The following KAZN variants were observed in gnomAD, a reference collection of about 807,000 sequenced individuals.
The protein encoded by KAZN is kazrin.
In KAZN, 40 loss-of-function variants were observed where a neutral mutation model predicts 87.4. The ratio of observed to expected loss-of-function variants is 0.46; its 90% CI spans 0.36 to 0.60. The LOEUF is 0.60. KAZN is among the 20% of genes least tolerant of loss of function. The pLI, the probability that KAZN is intolerant of heterozygous loss-of-function variation, is 0.00. For missense variants in KAZN, 898 were observed against 1,073.9 expected (o/e 0.84, Z 2.29); for synonymous variants, 466 against 458.3 (o/e 1.02, Z -0.22).
chr1:14,924,606 C>G, intron 1 of KAZN: 1 of 1,000,744 alleles, frequency 1.0e-6, no homozygotes, highest in Non-Finnish European at 1.2e-6. Flanking sequence ...GGGCGGGCGG[C>G]GCGGACACAG....
chr1:14,549,685 C>G (rs1673386868), intron 2 of KAZN, among the ~76,000 whole-genome samples: 1 of 150,666 alleles, frequency 6.6e-6, no homozygotes, highest in Non-Finnish European at 1.5e-5. Flanking sequence ...ACCCCCACCC[C>G]CACCTCCGCC....
At chr1:14,657,091 T>C (rs1638842750) in intron 1 of KAZN, among the ~76,000 whole-genome samples, 1 of 143,980 alleles carries the variant, frequency 6.9e-6, no homozygotes, top group Admixed American at 6.9e-5. Context: ...TTTTTTTTTT[T>C]TTTTTTTTGA....
chr1:15,033,123 A>G (rs1484189967), intron 2 of KAZN, among the ~76,000 whole-genome samples: 1 of 152,148 alleles, frequency 6.6e-6, no homozygotes, highest in Non-Finnish European at 1.5e-5. Flanking sequence ...GATAAAGTGT[A>G]TGAGGGGATT....
chr1:14,574,211 T>C (rs1002678033), intron 2 of KAZN, among the ~76,000 whole-genome samples: 1 of 152,188 alleles, frequency 6.6e-6, no homozygotes, highest in African/African-American at 2.4e-5. Flanking sequence ...CATGTATAGC[T>C]TGGGGAAGTT....
At chr1:14,934,101 C>T (rs1002534639) in intron 1 of KAZN, among the ~76,000 whole-genome samples, 1 of 150,326 alleles carries the variant, frequency 6.7e-6, no homozygotes, top group Non-Finnish European at 1.5e-5. Context: ...GTGATCCGCC[C>T]GCCTCGGCCT....
rs962940941 is a variant in KAZN at position 14,072,290 on chromosome 1, T to C, written c.92-108145T>C. The stretch of plus-strand genomic sequence containing the variant: ...TAGTGTTTTTAGTTTTGTGTTGTGT[T>C]TTTGCTTCTCCAATTTGCTAGGGCT... On this transcript the variant is annotated intron_variant, in intron 1 of 16. Transcript: ENST00000636203. 6.2e-4 allele frequency among the ~76,000 whole-genome samples: 95 copies of C among 152,312 alleles called. 1 individual carries two copies. The highest frequency in any genetic ancestry group is 1.5e-3 in the East Asian group (8 of 5,192).
intron 2 of KAZN, among the ~76,000 whole-genome samples, chr1:14,967,217 A>G (rs1664558257): frequency 6.6e-6 from 1 of 151,968 alleles, no homozygotes; most frequent in Admixed American, 6.6e-5. Flanking sequence ...CTCCCTTTGC[A>G]GCCTGGTCAC....
chr1:14,046,959 G>A (rs990904611), intron 1 of KAZN, among the ~76,000 whole-genome samples: 1 of 152,210 alleles, frequency 6.6e-6, no homozygotes. Flanking sequence ...CTGGTTGGGG[G>A]TTAGGGTGCC....
At chr1:15,050,153 T>C (rs926745699) in intron 4 of KAZN, among the ~76,000 whole-genome samples, 2 of 111,812 alleles carry the variant, frequency 1.8e-5, no homozygotes, top group Non-Finnish European at 1.7e-5. Flanking sequence ...AATAATAGAA[T>C]AGAATGGAAT....
chr1:14,595,291 A>G (rs184221262), upstream of KAZN, among the ~76,000 whole-genome samples: 43 of 152,278 alleles, frequency 2.8e-4, no homozygotes, highest in Admixed American at 2.6e-3. Flanking sequence ...ATTGTGGAAA[A>G]CATATTAGCT....
chr1:15,012,250 C>T (rs1372444846), intron 2 of KAZN, among the ~76,000 whole-genome samples: 1 of 152,156 alleles, frequency 6.6e-6, no homozygotes, highest in East Asian at 1.9e-4. Flanking sequence ...GAAAGCTATT[C>T]TTACCACCTG....
At chr1:14,889,110 G>A (rs559883571) in intron 1 of KAZN, among the ~76,000 whole-genome samples, 1 of 152,314 alleles carries the variant, frequency 6.6e-6, no homozygotes, top group East Asian at 1.9e-4. Context: ...GCAGCCTGCG[G>A]GCCATGGGTT....
rs36066363 is a variant in KAZN, at chr1:14,975,940, G to A, written c.418+15065G>A. Among the ~76,000 whole-genome samples, 787 of 151,308 alleles carry A rather than the reference G, an allele frequency of 5.2e-3. 10 individuals carry two copies. Among genetic ancestry groups the A allele is most frequent in the African/African-American group, 0.018 (746 of 41,306 alleles). ...CCAGCTACTTGGGAGGCTGAGGCAG[G>A]AGAAAGGCGCGAACCCGGGAGGCGG... On this transcript the variant is annotated intron_variant, in intron 2 of 14. Coordinates refer to ENST00000376030, the MANE Select transcript of KAZN (RefSeq NM_201628.3).
At chr1:14,660,271 A>C in intron 1 of KAZN, among the ~76,000 whole-genome samples, 1 of 152,178 alleles carries the variant, frequency 6.6e-6, no homozygotes, top group South Asian at 2.1e-4. Context: ...CTGAAACAAT[A>C]AGACGAATAA....
At chr1:14,268,777 A>G (rs907602188) in intron 2 of KAZN, among the ~76,000 whole-genome samples, 4 of 152,256 alleles carry the variant, frequency 2.6e-5, no homozygotes, top group African/African-American at 9.6e-5. Context: ...GCCAGGTTGC[A>G]GGCATTAATT....
intron 2 of KAZN, among the ~76,000 whole-genome samples, chr1:14,511,117 G>A (rs940201327): frequency 2.0e-4 from 30 of 149,490 alleles, no homozygotes; most frequent in African/African-American, 6.2e-4. Context: ...GGGGGTGGGA[G>A]GGTGGTCCCA....
At chr1:13,958,964 C>T (rs183713874) in intron 1 of KAZN, among the ~76,000 whole-genome samples, 4 of 152,166 alleles carry the variant, frequency 2.6e-5, no homozygotes, top group Admixed American at 2.6e-4. Flanking sequence ...AACATCCATC[C>T]CACCCATCCT....
chr1:14,945,334 C>T (rs1487069236), intron 1 of KAZN, among the ~76,000 whole-genome samples: 2 of 152,332 alleles, frequency 1.3e-5, no homozygotes, highest in African/African-American at 2.4e-5. Flanking sequence ...GAAACCGGGG[C>T]GCCCTGGAGT....
intron 1 of KAZN, among the ~76,000 whole-genome samples, chr1:14,835,906 C>G (rs78049388): frequency 0.031 from 4,648 of 151,874 alleles, 85 homozygotes; most frequent in Middle Eastern, 0.054. Context: ...CCTGCTGACT[C>G]ATAACCCAGT....
Sources: gnomAD v4.1 joint callset for allele counts (sites outside exome capture counted in the v4.1 genomes callset) on GRCh38, gnomAD v4.1.1 for gene constraint, MANE v1.5 for transcripts, NCBI Gene and HGNC (gene_info 2026-07-23, HGNC 2026-07-21) for gene names.